PDE1A: variants seen among roughly 807,000 people sequenced by gnomAD.
The protein encoded by PDE1A is phosphodiesterase 1A, also known as dual specificity calcium/calmodulin-dependent 3',5'-cyclic nucleotide phosphodiesterase 1A.
PDE1A carries 35 observed loss-of-function variants against 61.7 expected under a neutral mutation model. The ratio of observed to expected loss-of-function variants is 0.57; its 90% CI spans 0.43 to 0.75. PDE1A has a LOEUF of 0.75. PDE1A is among the 30% of genes least tolerant of loss of function. The pLI is 0.00. For missense variants in PDE1A, 597 were observed against 630.6 expected, an observed-to-expected ratio of 0.95 and a Z score of 0.57; for synonymous variants, 232 against 213.2, an observed-to-expected ratio of 1.09 and a Z score of -0.77.
the PDE1A span, among the ~76,000 whole-genome samples, chr2:182,661,856 C>T: frequency 1.3e-5 from 2 of 151,990 alleles, no homozygotes; most frequent in African/African-American, 4.8e-5. Context: ...ATATGTGAGA[C>T]ATTGTAAGAC....
At chr2:182,662,290 A>G in the PDE1A span, among the ~76,000 whole-genome samples, 13 of 151,284 alleles carry the variant, frequency 8.6e-5, no homozygotes, top group East Asian at 2.5e-3. Flanking sequence ...AAAAACCTAC[A>G]TATTAAAAGG....
intron 13 of PDE1A, among the ~76,000 whole-genome samples, chr2:182,151,138 A>G (rs528973841): frequency 3.4e-4 from 52 of 152,288 alleles, no homozygotes; most frequent in African/African-American, 1.1e-3. Flanking sequence ...TCCAGGCTGG[A>G]GTGCAATGGT....
chr2:182,444,015 T>C lies in PDE1A; in HGVS notation c.101+78261A>G, dbSNP rs545831303. 1.8e-4 allele frequency among the ~76,000 whole-genome samples: 27 copies of C among 152,244 alleles called. No homozygotes were observed. In the South Asian group the frequency reaches 5.0e-3, roughly 28 times the overall value. On this transcript the variant is annotated intron_variant, in intron 2 of 14. Transcript: ENST00000410103. ...ACCGCGCCCGGCCAAACTTCTTTTCTTTATAAACTATCAAGTCTCAGGTAC... is the reference window on the plus strand; with the variant it reads ...ACCGCGCCCGGCCAAACTTCTTTTCCTTATAAACTATCAAGTCTCAGGTAC...
chr2:182,614,763 G>A, the PDE1A span, among the ~76,000 whole-genome samples: 1 of 152,008 alleles, frequency 6.6e-6, no homozygotes, highest in Admixed American at 6.6e-5. Flanking sequence ...CACCATGTTG[G>A]CCAGGCTGGT....
At chr2:182,452,960 C>T (rs985558486) in intron 2 of PDE1A, among the ~76,000 whole-genome samples, 1 of 152,094 alleles carries the variant, frequency 6.6e-6, no homozygotes, top group Non-Finnish European at 1.5e-5. Flanking sequence ...ACTGCACTTG[C>T]ACTTTTTTAT....
chr2:182,140,858 G>A (rs1921153), exon 15 of PDE1A: 2 of 137,600 alleles, frequency 1.5e-5, no homozygotes, highest in Non-Finnish European at 3.2e-5. Context: ...AAAAGAAAAA[G>A]AAAGAAAAGG....
chr2:182,227,941 G>C (rs753121023), intron 6 of PDE1A, among the ~76,000 whole-genome samples: 1 of 152,094 alleles, frequency 6.6e-6, no homozygotes, highest in Non-Finnish European at 1.5e-5. Context: ...AAATTCCAAA[G>C]GAACTAGATT....
At chr2:182,362,764 T>TGCACTATTCATTGCA (rs1422292290) in intron 1 of PDE1A, among the ~76,000 whole-genome samples, 1 of 151,986 alleles carries the variant, frequency 6.6e-6, no homozygotes, top group Non-Finnish European at 1.5e-5. Flanking sequence ...GACACATACA[T>TGCACTATTCATTGCA]GCACTATTCA....
At chr2:182,171,359 G>A (rs769746018) in intron 13 of PDE1A, among the ~76,000 whole-genome samples, 4 of 151,976 alleles carry the variant, frequency 2.6e-5, no homozygotes, top group Admixed American at 2.0e-4. Context: ...TGTATGGTAC[G>A]TGATTTTTGT....
At chr2:182,221,115 T>C (rs1688689873) in intron 7 of PDE1A, among the ~76,000 whole-genome samples, 1 of 151,748 alleles carries the variant, frequency 6.6e-6, no homozygotes, top group Non-Finnish European at 1.5e-5. Context: ...CCCCCTCCTT[T>C]CCTCCACCAC....
At chr2:182,230,041 T>A (rs1162085335) in exon 6 of PDE1A, 1 of 1,613,104 alleles carries the variant, frequency 6.2e-7, no homozygotes, top group South Asian at 1.1e-5. Flanking sequence ...TAATGCACAG[T>A]TTGAGTGACA....
the PDE1A span, among the ~76,000 whole-genome samples, chr2:182,573,949 A>ATG: frequency 7.9e-6 from 1 of 126,056 alleles, no homozygotes; most frequent in African/African-American, 3.3e-5. Flanking sequence ...TTTATATATT[A>ATG]TATATATTTA....
chr2:182,240,022 A>G, intron 3 of PDE1A, 88 bp downstream of exon 3: 1 of 1,179,664 alleles, frequency 8.5e-7, no homozygotes, highest in Admixed American at 2.3e-5. Context: ...CAATAAGTGA[A>G]ATATAGACTG....
At chr2:182,679,855 A>C in the PDE1A span, among the ~76,000 whole-genome samples, 1 of 152,274 alleles carries the variant, frequency 6.6e-6, no homozygotes, top group South Asian at 2.1e-4. Context: ...AAAGATAGGG[A>C]AGTCAAAATA....
chr2:182,229,338 C>T (rs1415837921), intron 6 of PDE1A, among the ~76,000 whole-genome samples: 1 of 152,022 alleles, frequency 6.6e-6, no homozygotes, highest in Non-Finnish European at 1.5e-5. Context: ...TTTTTGAACC[C>T]AGCTCAGTTT....
chr2:182,466,148 T>TC (rs2125786485), intron 2 of PDE1A, among the ~76,000 whole-genome samples: 1 of 152,054 alleles, frequency 6.6e-6, no homozygotes, highest in African/African-American at 2.4e-5. Context: ...TCTCTTTGTC[T>TC]CACAACCCCT....
chr2:182,404,293 C>T (rs1007390110), intron 1 of PDE1A, among the ~76,000 whole-genome samples: 2 of 152,114 alleles, frequency 1.3e-5, no homozygotes. Flanking sequence ...ATTCCATAGG[C>T]CAACTTCTAA....
intron 7 of PDE1A, among the ~76,000 whole-genome samples, chr2:182,208,594 T>C (rs1048125559): frequency 3.9e-5 from 6 of 152,262 alleles, no homozygotes; most frequent in Non-Finnish European, 5.9e-5. Context: ...CAGCTTGCAC[T>C]GTGCACATGG....
intron 1 of PDE1A, among the ~76,000 whole-genome samples, chr2:182,303,664 G>A (rs750050663): frequency 6.6e-6 from 1 of 152,162 alleles, no homozygotes; most frequent in East Asian, 1.9e-4. Context: ...GCTTTGAGAA[G>A]TCAATGTCTG....
Sources: gnomAD v4.1 joint callset for allele counts (sites outside exome capture counted in the v4.1 genomes callset) on GRCh38, gnomAD v4.1.1 for gene constraint, MANE v1.5 for transcripts, NCBI Gene and HGNC (gene_info 2026-07-23, HGNC 2026-07-21) for gene names.